Variants in MYO1D observed in about 807,000 individuals in gnomAD.
The protein encoded by MYO1D is myosin ID.
In MYO1D, 83 loss-of-function variants were observed where a neutral mutation model predicts 122.0. The observed-to-expected ratio is 0.68, with a 90% CI of 0.57 to 0.82. MYO1D has a LOEUF of 0.82. Among genes scored for constraint, MYO1D ranks in the 40% least tolerant of loss-of-function variants. The probability of loss-of-function intolerance (pLI) is 0.00; values close to 1 mark genes in which losing one functional copy is unlikely to be tolerated. For synonymous variants in MYO1D, 464 were observed against 446.9 expected (o/e 1.04, Z -0.48); for missense variants, 1,157 against 1,269.5 (o/e 0.91, Z 1.35).
intron 1 of MYO1D, among the ~76,000 whole-genome samples, chr17:32,781,168 A>C (rs1172024496): frequency 6.6e-6 from 1 of 152,216 alleles, no homozygotes; most frequent in Non-Finnish European, 1.5e-5. Context: ...TCAGATTTTC[A>C]ATTTTAAAGA....
chr17:32,520,095 CTG>C (rs1201405542), intron 21 of MYO1D, among the ~76,000 whole-genome samples: 1 of 152,160 alleles, frequency 6.6e-6, no homozygotes, highest in Non-Finnish European at 1.5e-5. Context: ...GAAAATCAAT[CTG>C]TGCACCTTTT....
At chr17:32,534,109 T>C (rs914445388) in intron 21 of MYO1D, among the ~76,000 whole-genome samples, 1 of 152,224 alleles carries the variant, frequency 6.6e-6, no homozygotes. Flanking sequence ...AGTAATTTTT[T>C]AAAGTTTTCC....
intron 13 of MYO1D, among the ~76,000 whole-genome samples, chr17:32,742,047 A>T (rs9896539): frequency 0.68 from 101,741 of 149,220 alleles, 34,904 homozygotes; most frequent in Middle Eastern, 0.77. Flanking sequence ...TAAAAAAAAA[A>T]TTTTTTTTAA....
chr17:32,755,461 A>G (rs2089937299), intron 11 of MYO1D, 31 bp downstream of exon 11: 2 of 1,601,540 alleles, frequency 1.2e-6, no homozygotes, highest in Non-Finnish European at 1.7e-6. Context: ...CCTCACAGAT[A>G]AAAGGAAGAA....
intron 16 of MYO1D, among the ~76,000 whole-genome samples, chr17:32,701,902 A>C (rs1202446288): frequency 6.6e-6 from 1 of 152,218 alleles, no homozygotes; most frequent in East Asian, 1.9e-4. Flanking sequence ...GGAATAGATG[A>C]CTACCTTAGC....
intron 1 of MYO1D, among the ~76,000 whole-genome samples, chr17:32,818,557 G>T (rs759625492): frequency 6.6e-6 from 1 of 152,216 alleles, no homozygotes; most frequent in African/African-American, 2.4e-5. Context: ...CTGAGAGAGA[G>T]ACCAATGGGG....
chr17:32,530,765 C>T (rs1910484765), intron 21 of MYO1D, among the ~76,000 whole-genome samples: 1 of 152,046 alleles, frequency 6.6e-6, no homozygotes, highest in Non-Finnish European at 1.5e-5. Context: ...GATGCCACTG[C>T]ACCCCAGCCT....
chr17:32,723,282 T>C (rs2089533534), intron 14 of MYO1D, among the ~76,000 whole-genome samples: 1 of 152,126 alleles, frequency 6.6e-6, no homozygotes, highest in Non-Finnish European at 1.5e-5. Context: ...TTGCAGCTGG[T>C]GTCTGAAGTA....
At chr17:32,526,936 G>A (rs1910362559) in intron 21 of MYO1D, among the ~76,000 whole-genome samples, 2 of 152,198 alleles carry the variant, frequency 1.3e-5, no homozygotes, top group South Asian at 2.1e-4. Context: ...ACAGTAGAGA[G>A]GAAGTTTACA....
Position 32,712,000 on chromosome 17 carries a change from G to A in MYO1D, c.2109C>T (p.Leu703=). The A allele has an allele frequency of 2.5e-6, 4 of 1,612,054 alleles. No individual in the cohort carries two copies. Among genetic ancestry groups the A allele is most frequent in the Non-Finnish European group, 3.4e-6 (4 of 1,178,830 alleles). The change falls in exon 16 of 22, where the codon CTC becomes CTT. Residue 703 remains leucine (L), a synonymous_variant. Transcript: ENST00000318217. ...LRAQMLIRIV[L]FLQKVWRGTL... is the part of the protein sequence containing the mutation. ...AATATAAAATTACCTTTTGTAGAAA[G>A]AGGACAATCCTTATGAGCATCTGGG...
chr17:32,646,339 A>G (rs1279995157), intron 19 of MYO1D, among the ~76,000 whole-genome samples: 1 of 152,140 alleles, frequency 6.6e-6, no homozygotes, highest in Non-Finnish European at 1.5e-5. Flanking sequence ...TAGGCACCAA[A>G]TAATAGCTAA....
chr17:32,647,209 C>T (rs1335622051), intron 19 of MYO1D, among the ~76,000 whole-genome samples: 4 of 152,248 alleles, frequency 2.6e-5, no homozygotes, highest in Admixed American at 2.6e-4. Flanking sequence ...AAGTCTTTCA[C>T]CTTAAAGGAC....
chr17:32,876,721 GC>G, intron 1 of MYO1D, 56 bp downstream of exon 1: 1 of 1,394,152 alleles, frequency 7.2e-7, no homozygotes, highest in Non-Finnish European at 9.6e-7. Context: ...GCCCCGAGGC[GC>G]CCCCTCTCGG....
intron 1 of MYO1D, among the ~76,000 whole-genome samples, chr17:32,858,261 T>C (rs2091043213): frequency 6.6e-6 from 1 of 152,216 alleles, no homozygotes; most frequent in Admixed American, 6.5e-5. Context: ...AGTTCCAAAA[T>C]ACAACTATCA....
rs142373434 is a variant in MYO1D at position 32,541,673 on chromosome 17, G to A, written c.2865-46758C>T. 2.6e-3 allele frequency among the ~76,000 whole-genome samples: 396 copies of A among 152,252 alleles called. 3 individuals carry two copies. Among genetic ancestry groups the A allele is most frequent in the Non-Finnish European group, 4.6e-3 (316 of 68,012 alleles). The stretch of plus-strand genomic sequence containing the variant: ...CCCAGCTCCAAGAGAATGTGCAGGT[G>A]GATTAAAGCAAAAATTCATGTAAAA... On this transcript the variant is annotated intron_variant, in intron 21 of 21. Coordinates refer to ENST00000318217, the MANE Select transcript of MYO1D (RefSeq NM_015194.3).
intron 21 of MYO1D, among the ~76,000 whole-genome samples, chr17:32,563,384 T>C (rs1298577575): frequency 6.6e-6 from 1 of 151,874 alleles, no homozygotes; most frequent in Non-Finnish European, 1.5e-5. Context: ...TAATTTTTTT[T>C]TTTCATTTTT....
At chr17:32,785,858 T>C (rs895588689) in intron 1 of MYO1D, among the ~76,000 whole-genome samples, 3 of 152,172 alleles carry the variant, frequency 2.0e-5, no homozygotes, top group African/African-American at 7.2e-5. Context: ...CATTCAAGGG[T>C]CTTCCATTTA....
In MYO1D at chr17:32,671,684, A is replaced by T. The variant is rs376164790; in HGVS notation, c.2122-12346T>A. Among the ~76,000 whole-genome samples, 59 of 152,306 alleles carry T rather than the reference A, an allele frequency of 3.9e-4. 1 individual carries two copies. In the South Asian group the frequency reaches 0.012, roughly 30 times the overall value. On this transcript the variant is annotated intron_variant, in intron 16 of 21. Transcript: ENST00000318217. The stretch of plus-strand genomic sequence containing the variant: ...TTCTGAATATTGGTGAGTATATATA[A>T]AAATTGAAAATGATGGCAATTTTAT...
At chr17:32,627,544 A>T (rs2087944612) in intron 20 of MYO1D, among the ~76,000 whole-genome samples, 1 of 152,148 alleles carries the variant, frequency 6.6e-6, no homozygotes, top group Admixed American at 6.6e-5. Context: ...TGGCATAATT[A>T]CAGTCCATTT....
Sources: gnomAD v4.1 joint callset for allele counts (sites outside exome capture counted in the v4.1 genomes callset) on GRCh38, gnomAD v4.1.1 for gene constraint, MANE v1.5 for transcripts, NCBI Gene and HGNC (gene_info 2026-07-23, HGNC 2026-07-21) for gene names.